Variants in SEC16B observed in about 807,000 individuals in gnomAD.
SEC16B encodes the protein protein transport protein Sec16B.
A neutral mutation model predicts 141.8 loss-of-function variants in SEC16B; 115 were observed. The observed-to-expected ratio is 0.81, with a 90% CI of 0.70 to 0.95. The LOEUF (loss-of-function observed/expected upper bound fraction) is 0.95, where lower values mean the gene tolerates loss of function less well. Ranked by LOEUF, SEC16B falls within the 40% of genes least tolerant of loss-of-function variation. The pLI is 0.00. For synonymous variants in SEC16B, 493 were observed against 492.5 expected (o/e 1.00, Z -0.01); for missense variants, 1,291 against 1,312.3 (o/e 0.98, Z 0.25).
chr1:177,960,644 A>C, intron 7 of SEC16B, 147 bp downstream of exon 7: 1 of 872,116 alleles, frequency 1.1e-6, no homozygotes, highest in Admixed American at 2.8e-5. Context: ...CACCCTCCTA[A>C]TCCAGGGGGT....
chr1:177,971,379 C>T (rs10913477), upstream of SEC16B: 22,076 of 152,190 alleles, frequency 0.15, 1,951 homozygotes, highest in East Asian at 0.42. Context: ...CATGCCTAGC[C>T]ACTAATGGTT....
intron 10 of SEC16B, 54 bp from the exon 11 acceptor site, chr1:177,954,430 G>T: frequency 7.0e-7 from 1 of 1,434,888 alleles, no homozygotes; most frequent in Non-Finnish European, 9.6e-7. Context: ...CCACTCACAA[G>T]TTCCTGTGCT....
upstream of SEC16B, among the ~76,000 whole-genome samples, chr1:177,974,264 T>C (rs1028565432): frequency 2.0e-5 from 3 of 152,164 alleles, no homozygotes; most frequent in African/African-American, 7.2e-5. Flanking sequence ...TTCACTGTAA[T>C]GAGCTCAAGA....
rs186450457 is a variant in SEC16B at position 177,951,131 on chromosome 1, G to A, written c.1545+783C>T. Among the ~76,000 whole-genome samples, 393 of 152,270 alleles carry A rather than the reference G, an allele frequency of 2.6e-3. 5 individuals are homozygous for A. The highest frequency in any genetic ancestry group is 9.0e-3 in the African/African-American group (372 of 41,562). On this transcript the variant is annotated intron_variant, in intron 12 of 25. Transcript: ENST00000308284. The stretch of plus-strand genomic sequence containing the variant: ...ATATAATTCATACGTGTATATATAT[G>A]AAATATGTGTACATGGAATTCCTGA...
upstream of SEC16B, among the ~76,000 whole-genome samples, chr1:177,972,707 C>G (rs961091856): frequency 2.0e-5 from 3 of 152,216 alleles, no homozygotes; most frequent in Non-Finnish European, 4.4e-5. Context: ...TAGCTTCAAA[C>G]AAGAGTAACT....
Position 177,933,647 on chromosome 1 carries a change from A to G in SEC16B, c.2572-11T>C. 1.9e-6 allele frequency: 3 copies of G among 1,613,762 alleles called. No individual in the cohort carries two copies. The South Asian group carries it at 3.3e-5, about 18-fold the overall frequency. ...AGCAGCCAATGGTGTCTGGAATTAA[A>G]GAAATAACTCACATTTGCATGGCAC... On this transcript the variant is annotated splice_polypyrimidine_tract_variant and intron_variant, in intron 20 of 25. Transcript: ENST00000308284.
rs1295566415 is a variant in SEC16B at position 177,937,521 on chromosome 1, C to T, written c.2204-8G>A. On this transcript the variant is annotated splice_polypyrimidine_tract_variant and splice_region_variant and intron_variant, in intron 18 of 25. Coordinates refer to ENST00000308284, the MANE Select transcript of SEC16B (RefSeq NM_033127.4). ...CCTGGTAGAAAGTGTTTTCTAAGGA[C>T]GTGGAACAAAGGTAAAGAAGTCAGA... 5 of 1,518,312 alleles carry T rather than the reference C, an allele frequency of 3.3e-6. No homozygotes were observed. The Admixed American group carries it at 6.7e-5, about 20-fold the overall frequency. 94.1% of individuals were successfully genotyped at this position (1,518,312 alleles called of 1,614,324 possible). A position where few individuals can be genotyped will look rare whatever the true frequency, so the allele number is the denominator to read the frequency against.
At chr1:177,949,305 C>A (rs1651979370) in intron 12 of SEC16B, among the ~76,000 whole-genome samples, 1 of 151,096 alleles carries the variant, frequency 6.6e-6, no homozygotes, top group Non-Finnish European at 1.5e-5. Flanking sequence ...CTATTATGAC[C>A]TGCATTTTAA....
At chr1:177,936,674 T>C (rs1011887968) in intron 19 of SEC16B, among the ~76,000 whole-genome samples, 1 of 152,176 alleles carries the variant, frequency 6.6e-6, no homozygotes, top group Admixed American at 6.5e-5. Flanking sequence ...AGCCTCCATC[T>C]TGGACAGGAC....
upstream of SEC16B, among the ~76,000 whole-genome samples, chr1:177,974,063 G>T (rs986505117): frequency 2.0e-5 from 3 of 151,862 alleles, no homozygotes; most frequent in Non-Finnish European, 4.4e-5. Flanking sequence ...TGTAGAAGAT[G>T]AGGGAGAAGG....
At chr1:177,945,489 G>C (rs1349344159) in intron 14 of SEC16B, 1 of 152,236 alleles carries the variant, frequency 6.6e-6, no homozygotes, top group African/African-American at 2.4e-5. Context: ...TCAGAGACCA[G>C]GAACCTGGAA....
At chr1:177,944,172 C>T (rs1651492169) in intron 15 of SEC16B, among the ~76,000 whole-genome samples, 2 of 152,166 alleles carry the variant, frequency 1.3e-5, no homozygotes, top group Admixed American at 1.3e-4. Flanking sequence ...GGTGAGCAGA[C>T]ACTGGGCTGG....
chr1:177,934,529 C>T (rs1001997396), intron 20 of SEC16B, among the ~76,000 whole-genome samples: 3 of 152,038 alleles, frequency 2.0e-5, no homozygotes, highest in Non-Finnish European at 2.9e-5. Flanking sequence ...GACTTTGTGC[C>T]GGGCACTGTT....
intron 10 of SEC16B, among the ~76,000 whole-genome samples, chr1:177,954,631 T>G (rs1008687710): frequency 6.6e-6 from 1 of 152,248 alleles, no homozygotes; most frequent in African/African-American, 2.4e-5. Flanking sequence ...CAGACATGGT[T>G]GCCAGTTAGC....
intron 12 of SEC16B, among the ~76,000 whole-genome samples, chr1:177,949,524 TAGAGAG>T (rs148147693): frequency 5.4e-5 from 8 of 147,550 alleles, no homozygotes; most frequent in Non-Finnish European, 7.5e-5. Flanking sequence ...GGGGACACAG[TAGAGAG>T]AGAGAGAGAG....
Position 177,929,871 on chromosome 1 carries a change from G to A in SEC16B, c.3170C>T (p.Thr1057Ile). ...GTGTGTTTATTCTCAGCATGGCTGG[G>A]TGGGATAGCGACGCTGAGCTAGGCG... is the stretch of plus-strand genomic sequence containing the variant. ...PNRLAQRRYP[T>I]QPC The change falls in exon 26 of 26, where the codon ACC becomes ATC. Residue 1057 changes from threonine (T) to isoleucine (I), a missense_variant. Physicochemically the swap from Thr to Ile is moderately conservative, Grantham distance 89. Coordinates refer to ENST00000308284, the MANE Select transcript of SEC16B (RefSeq NM_033127.4). The A allele has an allele frequency of 1.2e-6, 2 of 1,613,952 alleles. No individual in the cohort carries two copies. Among genetic ancestry groups the A allele is most frequent in the East Asian group, 2.2e-5 (1 of 44,878 alleles).
Position 177,960,357 on chromosome 1 carries a change from G to C in SEC16B, c.983C>G (p.Ser328Ter), listed in dbSNP as rs1404784706. 1 of 1,603,234 alleles carries C rather than the reference G, an allele frequency of 6.2e-7. No individual in the cohort carries two copies. Among genetic ancestry groups the C allele is most frequent in the Non-Finnish European group, 8.5e-7 (1 of 1,172,088 alleles). ...AGCACTATACCTAATCAAGGGTCCT[G>C]AGAAACTTCTCATCTCCTCTTGCTC... ...SEEQEEMRSFSGPLIREDVHK... is the reference protein window; with the variant it reads ...SEEQEEMRSF The change falls in exon 8 of 26, where the codon TCA (serine) becomes TGA (stop). Residue 328 changes from serine (S) to a stop codon, truncating the protein, a stop_gained. Coordinates refer to ENST00000308284, the MANE Select transcript of SEC16B (RefSeq NM_033127.4). LOFTEE classifies it high-confidence loss of function.
At chr1:177,979,044 A>G (rs1250635919) in intron 1 of SEC16B, among the ~76,000 whole-genome samples, 1 of 152,130 alleles carries the variant, frequency 6.6e-6, no homozygotes, top group Non-Finnish European at 1.5e-5. Flanking sequence ...AAATTCACAG[A>G]GTGTGTCAGT....
Position 177,962,221 on chromosome 1 carries a change from G to A in SEC16B, c.643-487C>T, listed in dbSNP as rs140855152. Among the ~76,000 whole-genome samples the A allele has an allele frequency of 2.2e-3, 328 of 152,016 alleles. 1 individual carries two copies. The highest frequency in any genetic ancestry group is 7.8e-3 in the African/African-American group (322 of 41,500). ...CCCAAGTAGCTAGGACTACAGGCAC[G>A]CCACCACGCCCAGCTGATTTTTGTA... is the stretch of plus-strand genomic sequence containing the variant. On this transcript the variant is annotated intron_variant, in intron 5 of 25. Transcript: ENST00000308284.
Sources: allele counts gnomAD v4.1 joint callset (sites outside exome capture counted in the v4.1 genomes callset), GRCh38; gene constraint gnomAD v4.1.1; transcripts MANE v1.5; gene names NCBI Gene and HGNC (gene_info 2026-07-23, HGNC 2026-07-21).